TTC39B: variants seen among roughly 807,000 people sequenced by gnomAD.
TTC39B encodes the protein tetratricopeptide repeat domain 39B, also known as tetratricopeptide repeat protein 39B.
In TTC39B, 92 loss-of-function variants were observed where a neutral mutation model predicts 96.6. That is an observed-to-expected ratio of 0.95 (90% CI 0.80 to 1.13). TTC39B has a LOEUF of 1.13. Among genes scored for constraint, TTC39B ranks in the 50% most tolerant of loss-of-function variants. The probability of loss-of-function intolerance (pLI) is 0.00; values close to 1 mark genes in which losing one functional copy is unlikely to be tolerated. For synonymous variants in TTC39B, 367 were observed against 299.4 expected, an observed-to-expected ratio of 1.23 and a Z score of -2.33; for missense variants, 955 against 809.3, an observed-to-expected ratio of 1.18 and a Z score of -2.18.
chr9:15,187,791 T>C (rs1167856402), intron 14 of TTC39B, among the ~76,000 whole-genome samples, 180 bp downstream of exon 14: 1 of 152,210 alleles, frequency 6.6e-6, no homozygotes, highest in Non-Finnish European at 1.5e-5. Context: ...TTTTAAAGCA[T>C]GCAATGCTGA....
chr9:15,200,744 T>C (rs1471611322), intron 7 of TTC39B, among the ~76,000 whole-genome samples: 2 of 152,262 alleles, frequency 1.3e-5, no homozygotes, highest in African/African-American at 4.8e-5. Context: ...CTCACGCCTA[T>C]AATCCCAGCA....
At chr9:15,194,164 T>C (rs1434282955) in intron 8 of TTC39B, among the ~76,000 whole-genome samples, 1 of 152,218 alleles carries the variant, frequency 6.6e-6, no homozygotes, top group Non-Finnish European at 1.5e-5. Flanking sequence ...TGGAAATTTT[T>C]TGTAATAATT....
chr9:15,264,980 G>A (rs967717512), intron 2 of TTC39B, among the ~76,000 whole-genome samples: 1 of 151,948 alleles, frequency 6.6e-6, no homozygotes, highest in African/African-American at 2.4e-5. Context: ...CAAAGGAACT[G>A]AATGGAAAGC....
chr9:15,288,426 G>A (rs1054854074), intron 1 of TTC39B, among the ~76,000 whole-genome samples: 1 of 152,186 alleles, frequency 6.6e-6, no homozygotes, highest in African/African-American at 2.4e-5. Context: ...ACAGCAAAGA[G>A]AAGAGAAGGA....
chr9:15,176,047 C>G (rs1281898075), intron 18 of TTC39B, among the ~76,000 whole-genome samples: 1 of 152,144 alleles, frequency 6.6e-6, no homozygotes, highest in African/African-American at 2.4e-5. Context: ...ATTGAATGTG[C>G]AATTCAAATT....
At chr9:15,188,002 T>A in exon 14 of TTC39B, 1 of 1,608,686 alleles carries the variant, frequency 6.2e-7, no homozygotes, top group Non-Finnish European at 8.5e-7. Flanking sequence ...GCAAAGCAGA[T>A]CTGAATAGTA....
At chr9:15,244,570 C>T (rs1822188162) in intron 2 of TTC39B, among the ~76,000 whole-genome samples, 1 of 152,074 alleles carries the variant, frequency 6.6e-6, no homozygotes, top group Admixed American at 6.5e-5. Context: ...TGAAGTGGTG[C>T]TGATGTTATT....
At chr9:15,179,291 T>A (rs570936277) in intron 17 of TTC39B, among the ~76,000 whole-genome samples, 7 of 152,314 alleles carry the variant, frequency 4.6e-5, no homozygotes, top group African/African-American at 1.7e-4. Context: ...AAAGGGAACA[T>A]ACGAGGCCCT....
intron 2 of TTC39B, among the ~76,000 whole-genome samples, chr9:15,253,925 C>G (rs1822656704): frequency 6.6e-6 from 1 of 152,128 alleles, no homozygotes; most frequent in South Asian, 2.1e-4. Flanking sequence ...CCATACAAAG[C>G]AACACATCCC....
intron 5 of TTC39B, among the ~76,000 whole-genome samples, 163 bp downstream of exon 5, chr9:15,211,103 G>A (rs971745322): frequency 1.3e-5 from 2 of 151,084 alleles, no homozygotes; most frequent in African/African-American, 4.9e-5. Flanking sequence ...AGTGGAATAT[G>A]TAGATGCCAA....
chr9:15,189,005 G>A (rs192189427), intron 13 of TTC39B, among the ~76,000 whole-genome samples: 135 of 152,102 alleles, frequency 8.9e-4, no homozygotes, highest in African/African-American at 3.0e-3. Context: ...AGACATTTAG[G>A]CATACTGATC....
At position 15,202,216 on chromosome 9, in the gene TTC39B, G is replaced by A. The variant is rs151244282; in HGVS notation, c.759+1607C>T. Among the ~76,000 whole-genome samples, 59 of 152,192 alleles carry A rather than the reference G, an allele frequency of 3.9e-4. No individual in the cohort carries two copies. The East Asian group carries it at 0.01, about 26-fold the overall frequency. The stretch of plus-strand genomic sequence containing the variant: ...AGATTTGATTGCCAAATCCCTGTTT[G>A]GAAAACAGAAAAAAACTTGGGCCTC... On this transcript the variant is annotated intron_variant, in intron 7 of 19. Coordinates refer to ENST00000512701, the Ensembl canonical transcript of TTC39B.
At chr9:15,233,517 GA>G in intron 2 of TTC39B, among the ~76,000 whole-genome samples, 2 of 149,870 alleles carry the variant, frequency 1.3e-5, no homozygotes, top group African/African-American at 4.9e-5. Flanking sequence ...CGCCACGCCT[GA>G]CTGGTTTTCG....
intron 1 of TTC39B, among the ~76,000 whole-genome samples, chr9:15,280,043 A>G (rs1823700377): frequency 6.6e-6 from 1 of 151,770 alleles, no homozygotes; most frequent in Non-Finnish European, 1.5e-5. Context: ...CTACAAGTAC[A>G]TGCCACCAAA....
intron 2 of TTC39B, among the ~76,000 whole-genome samples, chr9:15,242,864 G>GT (rs1187430498): frequency 6.6e-6 from 1 of 152,150 alleles, no homozygotes; most frequent in African/African-American, 2.4e-5. Context: ...AAATAAAAAT[G>GT]TTTTTTTAAA....
In TTC39B at chr9:15,307,092, C is replaced by T. The variant is rs202092498; in HGVS notation, c.232G>A (p.Ala78Thr). The T allele has an allele frequency of 3.3e-4, 537 of 1,610,290 alleles. 3 individuals carry two copies. The East Asian group carries it at 8.3e-3, about 25-fold the overall frequency. Residue 78 changes from alanine (A) to threonine (T), a missense_variant, in exon 1 of 20, where the codon GCG (alanine) becomes ACG (threonine). Coordinates refer to ENST00000512701, the Ensembl canonical transcript of TTC39B. The stretch of plus-strand genomic sequence containing the variant: ...TCCCCATCGGATCGTACCTCGTCCG[C>T]TTCCAGCTCCGCTCGGCTGCCTAAG...
chr9:15,273,450 GTTCCTCCCTCCTCCTCCACA>G (rs968707612), intron 1 of TTC39B, among the ~76,000 whole-genome samples: 40 of 152,128 alleles, frequency 2.6e-4, no homozygotes, highest in African/African-American at 9.4e-4. Flanking sequence ...CTAGAACTCC[GTTCCTCCCTCCTCCTCCACA>G]TTCCTCCCTC....
intron 8 of TTC39B, among the ~76,000 whole-genome samples, chr9:15,198,744 G>C (rs1247245275): frequency 6.6e-6 from 1 of 151,818 alleles, no homozygotes. Context: ...GTAGTCACAA[G>C]TGCAAACATT....
rs555332052 is a variant in TTC39B, at chr9:15,235,042, T to C, written c.276-9030A>G. 1.3e-4 allele frequency among the ~76,000 whole-genome samples: 19 copies of C among 150,140 alleles called. 1 individual carries two copies. The highest frequency in any genetic ancestry group is 6.8e-3 in the Middle Eastern group (2 of 294). ...AATGATCAATAAATAAATAAATAAA[T>C]AAAACAAAAACAAAACAAAACAAAA... On this transcript the variant is annotated intron_variant, in intron 2 of 19. Coordinates refer to ENST00000512701, the Ensembl canonical transcript of TTC39B.
Sources: allele counts gnomAD v4.1 joint callset (sites outside exome capture counted in the v4.1 genomes callset), GRCh38; gene constraint gnomAD v4.1.1; transcripts MANE v1.5; gene names NCBI Gene and HGNC (gene_info 2026-07-23, HGNC 2026-07-21).